Variants in PLXDC2 observed in about 807,000 individuals in gnomAD.
PLXDC2 encodes the protein plexin domain-containing protein 2.
In PLXDC2, 40 loss-of-function variants were observed where a neutral mutation model predicts 68.9. The observed-to-expected ratio is 0.58, with a 90% CI of 0.45 to 0.76. The LOEUF is 0.76. Ranked by LOEUF, PLXDC2 falls within the 30% of genes least tolerant of loss-of-function variation. PLXDC2 has a pLI of 0.00. For synonymous variants in PLXDC2, 243 were observed against 234.2 expected (o/e 1.04, Z -0.34); for missense variants, 644 against 661.9 (o/e 0.97, Z 0.30).
chr10:20,056,172 T>C (rs1198249911), intron 3 of PLXDC2, among the ~76,000 whole-genome samples: 1 of 152,176 alleles, frequency 6.6e-6, no homozygotes, highest in Non-Finnish European at 1.5e-5. Context: ...TTTATGGCAC[T>C]TTATAGTTAC....
In PLXDC2 at chr10:20,025,043, C is replaced by G. The variant is rs138120657; in HGVS notation, c.325-21826C>G. ...GCAATGAACATACAAGTGCAGGTGT[C>G]TTTTTGGTAGACACCAAAATGATGT... On this transcript the variant is annotated intron_variant, in intron 2 of 13. Transcript: ENST00000377252. Among the ~76,000 whole-genome samples the G allele has an allele frequency of 2.6e-3, 396 of 152,188 alleles. 2 individuals carry two copies. Among genetic ancestry groups the G allele is most frequent in the African/African-American group, 8.3e-3 (343 of 41,510 alleles).
At chr10:20,097,424 G>A (rs532156543) in intron 4 of PLXDC2, among the ~76,000 whole-genome samples, 52 of 152,290 alleles carry the variant, frequency 3.4e-4, no homozygotes, top group African/African-American at 1.3e-3. Context: ...TCCATGGCTG[G>A]TTAGAGATAC....
In PLXDC2 at chr10:20,161,451, C is replaced by CT. The variant is rs367647028; in HGVS notation, c.784-3016dup. Among the ~76,000 whole-genome samples, 1,294 of 150,826 alleles carry CT rather than the reference C, an allele frequency of 8.6e-3. 21 individuals carry two copies. The highest frequency in any genetic ancestry group is 0.029 in the African/African-American group (1,169 of 40,906). Reference sequence around the variant, plus strand: ...TAAGCAGTTTTTCAAGTCTCTCTCTCTCTTTTTTTTTTTTTGCTTCAAGCT... The same window carrying CT: ...TAAGCAGTTTTTCAAGTCTCTCTCTCTTCTTTTTTTTTTTTTGCTTCAAGCT... On this transcript the variant is annotated intron_variant, in intron 6 of 13. Coordinates refer to ENST00000377252, the MANE Select transcript of PLXDC2 (RefSeq NM_032812.9).
At chr10:19,880,215 G>A (rs558751470) in intron 1 of PLXDC2, among the ~76,000 whole-genome samples, 60 of 152,274 alleles carry the variant, frequency 3.9e-4, no homozygotes, top group African/African-American at 1.4e-3. Flanking sequence ...TTTAGAATCA[G>A]TGAGACAAAA....
intron 1 of PLXDC2, among the ~76,000 whole-genome samples, chr10:19,933,819 AAGG>A (rs1190235070): frequency 3.0e-5 from 4 of 132,988 alleles, no homozygotes; most frequent in Non-Finnish European, 4.8e-5. Context: ...GGAAAAAAGG[AAGG>A]AGGGAAGGAA....
intron 1 of PLXDC2, among the ~76,000 whole-genome samples, chr10:19,852,485 G>C (rs1170698635): frequency 7.6e-6 from 1 of 130,842 alleles, no homozygotes; most frequent in Non-Finnish European, 1.6e-5. Context: ...AGGCTCCTTT[G>C]CATATTAAAC....
intron 4 of PLXDC2, among the ~76,000 whole-genome samples, chr10:20,099,322 C>A (rs1335426030): frequency 6.6e-6 from 1 of 152,082 alleles, no homozygotes; most frequent in East Asian, 1.9e-4. Flanking sequence ...CTTGTTCATT[C>A]TATTTTAGAA....
At chr10:20,068,953 T>A (rs1836269170) in intron 4 of PLXDC2, among the ~76,000 whole-genome samples, 1 of 152,104 alleles carries the variant, frequency 6.6e-6, no homozygotes, top group Non-Finnish European at 1.5e-5. Flanking sequence ...AATATCCCTG[T>A]AGGCTTTATG....
chr10:20,126,102 A>G (rs1286023907), intron 4 of PLXDC2, among the ~76,000 whole-genome samples: 3 of 147,884 alleles, frequency 2.0e-5, no homozygotes, highest in Admixed American at 1.4e-4. Context: ...TAAAACATCA[A>G]TATGTATGTT....
chr10:20,008,621 A>C (rs1425640863), intron 2 of PLXDC2, among the ~76,000 whole-genome samples: 1 of 152,174 alleles, frequency 6.6e-6, no homozygotes, highest in African/African-American at 2.4e-5. Context: ...AAATTTTGTA[A>C]TGTTGATGTG....
In PLXDC2 at chr10:20,075,188, T is replaced by C. The variant is rs545346494; in HGVS notation, c.541+6949T>C. ...ATTCAGTAGCTTGACCATTATTATA[T>C]ATTTATTTCTTTATTTTGTAGACAG... On this transcript the variant is annotated intron_variant, in intron 4 of 13. Transcript: ENST00000377252. 4.6e-5 allele frequency among the ~76,000 whole-genome samples: 7 copies of C among 152,234 alleles called. No individual in the cohort carries two copies. The South Asian group carries it at 1.5e-3, about 32-fold the overall frequency.
chr10:20,156,721 C>CA (rs1388114047), intron 6 of PLXDC2, among the ~76,000 whole-genome samples: 7 of 152,120 alleles, frequency 4.6e-5, no homozygotes, highest in Non-Finnish European at 1.0e-4. Context: ...CCTTGACTGT[C>CA]ACGCTGTTAG....
chr10:20,125,150 C>T (rs2131767096), intron 4 of PLXDC2, among the ~76,000 whole-genome samples: 1 of 152,086 alleles, frequency 6.6e-6, no homozygotes, highest in South Asian at 2.1e-4. Flanking sequence ...ACAATCAACC[C>T]CCTACCCACA....
intron 2 of PLXDC2, among the ~76,000 whole-genome samples, chr10:20,017,305 C>T (rs1017608838): frequency 7.9e-5 from 12 of 152,140 alleles, no homozygotes; most frequent in Non-Finnish European, 1.5e-4. Flanking sequence ...CAAGGCTGAT[C>T]AAAACATGGG....
At chr10:20,152,047 C>T (rs929222087) in intron 6 of PLXDC2, among the ~76,000 whole-genome samples, 3 of 151,806 alleles carry the variant, frequency 2.0e-5, no homozygotes, top group African/African-American at 7.3e-5. Context: ...ATTTTCAATG[C>T]CCTCATTCAA....
chr10:19,895,332 C>T (rs73601630), intron 1 of PLXDC2, among the ~76,000 whole-genome samples: 1 of 152,090 alleles, frequency 6.6e-6, no homozygotes, highest in South Asian at 2.1e-4. Flanking sequence ...TTTCCACATT[C>T]TCCAGCAAAA....
intron 4 of PLXDC2, among the ~76,000 whole-genome samples, chr10:20,137,502 A>C (rs760213258): frequency 1.6e-4 from 25 of 152,212 alleles, no homozygotes; most frequent in African/African-American, 3.4e-4. Flanking sequence ...TCTATTTATG[A>C]AATCTTCCAA....
At chr10:20,141,814 A>T (rs1834010551) in intron 4 of PLXDC2, among the ~76,000 whole-genome samples, 1 of 152,094 alleles carries the variant, frequency 6.6e-6, no homozygotes, top group Admixed American at 6.5e-5. Context: ...GAGCTGTGTG[A>T]AATTACAAAT....
At chr10:20,177,262 G>A in intron 8 of PLXDC2, 66 bp from the exon 9 acceptor site, 1 of 1,412,250 alleles carries the variant, frequency 7.1e-7, no homozygotes, top group Non-Finnish European at 1.0e-6. Context: ...TATTCTGGTT[G>A]AGTAATCTCT....
Sources: gnomAD v4.1 joint callset for allele counts (sites outside exome capture counted in the v4.1 genomes callset) on GRCh38, gnomAD v4.1.1 for gene constraint, MANE v1.5 for transcripts, NCBI Gene and HGNC (gene_info 2026-07-23, HGNC 2026-07-21) for gene names.